The following UGT1A7 variants were observed in gnomAD, a reference collection of about 807,000 sequenced individuals.
UGT1A7 encodes the protein UDP-glucuronosyltransferase 1A7.
A neutral mutation model predicts 45.6 loss-of-function variants in UGT1A7; 33 were observed. The observed-to-expected ratio is 0.72, with a 90% confidence interval of 0.55 to 0.97. The LOEUF is 0.97. Among genes scored for constraint, UGT1A7 ranks in the 50% least tolerant of loss-of-function variants. The pLI is 0.00. For missense variants in UGT1A7, 684 were observed against 666.2 expected (o/e 1.03, Z -0.29); for synonymous variants, 274 against 250.6 (o/e 1.09, Z -0.88).
chr2:233,692,737 G>A lies in UGT1A7; in HGVS notation c.855+9945G>A. ...AAGTGTTGCTATAACTTTTCAGAGA[G>A]GGAGAAGCAGACTTGTGGAGCTGAA... On this transcript the variant is annotated intron_variant, in intron 1 of 4. Transcript: ENST00000373426. 5 of 991,482 alleles carry A rather than the reference G, an allele frequency of 5.0e-6. No individual in the cohort carries two copies. In the South Asian group the frequency reaches 5.7e-5, roughly 11 times the overall value. 61.4% of individuals were successfully genotyped at this position (991,482 alleles called of 1,614,324 possible).
intron 1 of UGT1A7, chr2:233,729,991 C>T (rs770784414): frequency 6.2e-6 from 10 of 1,613,902 alleles, no homozygotes; most frequent in Admixed American, 1.7e-5. Flanking sequence ...GCCACTATCT[C>T]AGGTCTGTAT....
chr2:233,759,291 G>C (rs2003569), intron 1 of UGT1A7, among the ~76,000 whole-genome samples: 1 of 152,064 alleles, frequency 6.6e-6, no homozygotes. Flanking sequence ...TGATGAAGCT[G>C]AGCCCTGAGT....
At position 233,682,805 on chromosome 2, in the gene UGT1A7, C is replaced by G; in HGVS notation, c.855+13C>G. On this transcript the variant is annotated intron_variant, in intron 1 of 4. Transcript: ENST00000373426. ...GCCAGTGCCTATGGTAAGTTATCTC[C>G]CCTTTAGCACATTAAGAATAATCTG... 6.3e-7 allele frequency: 1 copy of G among 1,594,110 alleles called. No homozygotes were observed. Among genetic ancestry groups the G allele is most frequent in the Non-Finnish European group, 8.6e-7 (1 of 1,169,320 alleles).
At chr2:233,718,727 A>G in intron 1 of UGT1A7, 1 of 1,610,864 alleles carries the variant, frequency 6.2e-7, no homozygotes, top group Non-Finnish European at 8.5e-7. Context: ...CTGATTTGCT[A>G]GGTGGCTCAA....
At chr2:233,764,520 A>G (rs935086504) in intron 1 of UGT1A7, among the ~76,000 whole-genome samples, 4 of 152,220 alleles carry the variant, frequency 2.6e-5, no homozygotes, top group African/African-American at 4.8e-5. Context: ...TGTGAATCAC[A>G]TCCTGCTGAT....
intron 1 of UGT1A7, among the ~76,000 whole-genome samples, chr2:233,717,257 G>A (rs1281570889): frequency 6.6e-6 from 1 of 152,168 alleles, no homozygotes; most frequent in Non-Finnish European, 1.5e-5. Context: ...TAAGGGGGTT[G>A]GAGGAATAGT....
At chr2:233,694,590 T>G (rs2075228604) in intron 1 of UGT1A7, among the ~76,000 whole-genome samples, 1 of 152,230 alleles carries the variant, frequency 6.6e-6, no homozygotes, top group Non-Finnish European at 1.5e-5. Flanking sequence ...ATTTACAACT[T>G]TGAAGGGCTT....
chr2:233,753,031 A>G (rs1329655669), intron 1 of UGT1A7, among the ~76,000 whole-genome samples: 1 of 152,134 alleles, frequency 6.6e-6, no homozygotes, highest in African/African-American at 2.4e-5. Context: ...AACACAAAAA[A>G]CTACCATGAA....
intron 1 of UGT1A7, among the ~76,000 whole-genome samples, chr2:233,739,279 C>G (rs11691824): frequency 0.034 from 5,129 of 152,284 alleles, 99 homozygotes; most frequent in African/African-American, 0.051. Flanking sequence ...AGCCCCCACA[C>G]AGAGTCTCCA....
chr2:233,693,346 T>C, intron 1 of UGT1A7: 1 of 1,614,200 alleles, frequency 6.2e-7, no homozygotes, highest in Non-Finnish European at 8.5e-7. Context: ...AGTACAGGAA[T>C]AACATGATTG....
intron 1 of UGT1A7, among the ~76,000 whole-genome samples, chr2:233,748,243 C>G (rs570859275): frequency 6.6e-6 from 1 of 151,666 alleles, no homozygotes; most frequent in Non-Finnish European, 1.5e-5. Context: ...TCTCTAGTAG[C>G]GTATTTCAGG....
intron 1 of UGT1A7, among the ~76,000 whole-genome samples, chr2:233,716,508 C>T (rs1254652307): frequency 6.6e-6 from 1 of 152,162 alleles, no homozygotes; most frequent in African/African-American, 2.4e-5. Context: ...GGCTTCAGAG[C>T]TCTCAGCTTA....
At chr2:233,718,362 C>T (rs1203132382) in intron 1 of UGT1A7, among the ~76,000 whole-genome samples, 5 of 152,178 alleles carry the variant, frequency 3.3e-5, no homozygotes, top group Non-Finnish European at 7.4e-5. Flanking sequence ...CTGTGTTATT[C>T]ACATATGAGA....
chr2:233,747,371 C>G (rs757857857), intron 1 of UGT1A7: 19 of 1,604,150 alleles, frequency 1.2e-5, no homozygotes, highest in Non-Finnish European at 1.5e-5. Flanking sequence ...AGCTCCATGC[C>G]AGAGGCCACC....
At chr2:233,740,826 G>C (rs1278219127) in intron 1 of UGT1A7, 2 of 151,802 alleles carry the variant, frequency 1.3e-5, no homozygotes, top group Non-Finnish European at 2.9e-5. Flanking sequence ...TTTGAGCTGA[G>C]ACATTTTAAA....
intron 1 of UGT1A7, among the ~76,000 whole-genome samples, chr2:233,745,523 G>C (rs530279744): frequency 6.6e-6 from 1 of 151,554 alleles, no homozygotes; most frequent in Non-Finnish European, 1.5e-5. Context: ...GGTCTAATGG[G>C]GATGTGTTAT....
Position 233,759,383 on chromosome 2 carries a change from T to C in UGT1A7, c.856-7651T>C, listed in dbSNP as rs370369012. Among the ~76,000 whole-genome samples, 14 of 152,308 alleles carry C rather than the reference T, an allele frequency of 9.2e-5. No homozygotes were observed. The East Asian group carries it at 2.7e-3, about 29-fold the overall frequency. ...TATAAAAAGGTACAGGTTTTCAGGA[T>C]ACTCAGAGTAACCGTGTGACCTGTA... On this transcript the variant is annotated intron_variant, in intron 1 of 4. Coordinates refer to ENST00000373426, the MANE Select transcript of UGT1A7 (RefSeq NM_019077.3).
intron 1 of UGT1A7, among the ~76,000 whole-genome samples, chr2:233,751,636 C>T (rs915046603): frequency 2.0e-5 from 3 of 152,122 alleles, no homozygotes; most frequent in African/African-American, 7.2e-5. Flanking sequence ...GTGCAGTTTC[C>T]CCCTTGCTGT....
chr2:233,697,105 G>T (rs895107296), intron 1 of UGT1A7, among the ~76,000 whole-genome samples: 9 of 152,066 alleles, frequency 5.9e-5, no homozygotes, highest in Non-Finnish European at 1.3e-4. Context: ...GATGAGTTTG[G>T]AAGTATTCTC....
Sources: gnomAD v4.1 joint callset for allele counts (sites outside exome capture counted in the v4.1 genomes callset) on GRCh38, gnomAD v4.1.1 for gene constraint, MANE v1.5 for transcripts, NCBI Gene and HGNC (gene_info 2026-07-23, HGNC 2026-07-21) for gene names.